The following GPATCH3 variants were observed in gnomAD, a reference collection of about 807,000 sequenced individuals.
The protein encoded by GPATCH3 is G patch domain-containing protein 3.
In GPATCH3, 45 loss-of-function variants were observed where a neutral mutation model predicts 53.2. That is an observed-to-expected ratio of 0.85 (90% CI 0.67 to 1.08). The LOEUF (loss-of-function observed/expected upper bound fraction) is 1.08. Among genes scored for constraint, GPATCH3 ranks in the 50% least tolerant of loss-of-function variants. The probability of loss-of-function intolerance (pLI) is 0.00; values close to 1 mark genes in which losing one functional copy is unlikely to be tolerated. For synonymous variants in GPATCH3, 280 were observed against 270.6 expected, an observed-to-expected ratio of 1.03 and a Z score of -0.34; for missense variants, 680 against 687.2, an observed-to-expected ratio of 0.99 and a Z score of 0.12.
intron 1 of GPATCH3, among the ~76,000 whole-genome samples, chr1:26,897,929 G>A (rs1198084326): frequency 6.6e-6 from 1 of 152,140 alleles, no homozygotes; most frequent in African/African-American, 2.4e-5. Flanking sequence ...TTGAGCTCAG[G>A]AGTTCAAGAC....
At chr1:26,898,242 C>G (rs988043464) in intron 1 of GPATCH3, among the ~76,000 whole-genome samples, 17 of 152,312 alleles carry the variant, frequency 1.1e-4, no homozygotes, top group African/African-American at 4.1e-4. Flanking sequence ...ACAGAACTAC[C>G]TAGTAGTTTC....
chr1:26,892,357 CAGGG>C, intron 6 of GPATCH3, 50 bp downstream of exon 6: 1 of 1,583,286 alleles, frequency 6.3e-7, no homozygotes, highest in Non-Finnish European at 8.6e-7. Context: ...AGAGGGAAAC[CAGGG>C]CATAGCTGAA....
At chr1:26,896,552 T>A (rs2081951777) in intron 2 of GPATCH3, among the ~76,000 whole-genome samples, 1 of 136,574 alleles carries the variant, frequency 7.3e-6, no homozygotes, top group Admixed American at 7.5e-5. Flanking sequence ...AAAAAAAAAT[T>A]AGCCGGGCGT....
intron 6 of GPATCH3, among the ~76,000 whole-genome samples, chr1:26,892,024 T>C (rs531826051): frequency 4.6e-5 from 7 of 151,932 alleles, no homozygotes; most frequent in Admixed American, 6.6e-5. Flanking sequence ...GTATTTTTAG[T>C]AGAGACGGGG....
In GPATCH3 at chr1:26,900,259, G is replaced by A; in HGVS notation, c.184C>T (p.Pro62Ser). Residue 62 changes from proline (P) to serine (S), a missense_variant, in exon 1 of 7, where the codon CCT becomes TCT. Coordinates refer to ENST00000361720, the MANE Select transcript of GPATCH3 (RefSeq NM_022078.3). The stretch of plus-strand genomic sequence containing the variant: ...TCGGTAGGAATTAGGGCAGAGTTAG[G>A]AGCGGCCTGCGGAGGGGCCCGCTCA... ...RPERAPPQAA[P>S]NSALIPTDPA... 3 of 1,614,096 alleles carry A rather than the reference G, an allele frequency of 1.9e-6. No individual in the cohort carries two copies. The highest frequency in any genetic ancestry group is 1.1e-5 in the South Asian group (1 of 91,084).
At position 26,894,246 on chromosome 1, in the gene GPATCH3, C is replaced by G. The variant is rs755146947; in HGVS notation, c.1041G>C (p.Glu347Asp). ...GGGTACCAGCATTACCTCCTTCTTC[C>G]TCCTGCCAGAACTGGGCATCAGTAT... is the stretch of plus-strand genomic sequence containing the variant. ...VFYTDAQFWQ[E>D]EEGDFDEQTA... Residue 347 changes from glutamate (E) to aspartate (D), a missense_variant, in exon 3 of 7, where the codon GAG becomes GAC. By Grantham distance (45) the Glu-to-Asp change is conservative. Transcript: ENST00000361720. The G allele has an allele frequency of 5.0e-6, 8 of 1,613,804 alleles. No individual in the cohort carries two copies. The East Asian group carries it at 1.8e-4, about 36-fold the overall frequency.
chr1:26,895,542 AAGG>A (rs2081947257), intron 2 of GPATCH3, among the ~76,000 whole-genome samples: 1 of 150,350 alleles, frequency 6.7e-6, no homozygotes, highest in Non-Finnish European at 1.5e-5. Flanking sequence ...AAAAAAAAAA[AAGG>A]AAAGGAAGGA....
intron 6 of GPATCH3, among the ~76,000 whole-genome samples, chr1:26,892,144 T>TC (rs1271096912): frequency 6.6e-6 from 1 of 152,010 alleles, no homozygotes; most frequent in African/African-American, 2.4e-5. Context: ...CGCCCGGACT[T>TC]TTTATTTTTC....
chr1:26,899,532 G>C (rs142194525), intron 1 of GPATCH3, among the ~76,000 whole-genome samples: 2 of 152,186 alleles, frequency 1.3e-5, no homozygotes, highest in African/African-American at 4.8e-5. Flanking sequence ...AGCATTTGTT[G>C]AATGTGTGAA....
chr1:26,894,138 G>C lies in GPATCH3; in HGVS notation c.1051+98C>G, dbSNP rs1397325295. ...AGGTCAGCCTGTTCCCTAGCCTTTT[G>C]TTTGGGCTCACCACTACAGAATCTA... On this transcript the variant is annotated intron_variant, in intron 3 of 6. Transcript: ENST00000361720. 2.4e-6 allele frequency: 3 copies of C among 1,232,384 alleles called. No homozygotes were observed. The South Asian group carries it at 4.2e-5, about 17-fold the overall frequency. The allele number at this position is 1,232,384 out of a possible 1,614,324, so 76.3% of individuals were successfully genotyped here. A position where few individuals can be genotyped will look rare whatever the true frequency, so the allele number is the denominator to read the frequency against.
At position 26,894,373 on chromosome 1, in the gene GPATCH3, G is replaced by A. The variant is rs200646741; in HGVS notation, c.914C>T (p.Ala305Val). The A allele has an allele frequency of 5.1e-5, 83 of 1,613,950 alleles. No homozygotes were observed. The highest frequency in any genetic ancestry group is 3.8e-4 in the East Asian group (17 of 44,886). The change falls in exon 3 of 7, where the codon GCG becomes GTG. Residue 305 changes from alanine (A) to valine (V), a missense_variant. Coordinates refer to ENST00000361720, the MANE Select transcript of GPATCH3 (RefSeq NM_022078.3). ...DRGEEWERHE[A>V]LHEDVTGQER... ...CTGCCCGGTCACGTCCTCATGCAGC[G>A]CTTCATGCCGTTCCCATTCCTCACC... is the stretch of plus-strand genomic sequence containing the variant.
chr1:26,890,579 AGAGGCGGTG>A lies in GPATCH3; in HGVS notation c.*422_*430del. Reference sequence around the variant, plus strand: ...GCTGGCAGTCCCACCCAGTGAGGGTAGAGGCGGTGGAGGGCCCACCCAAGGCCGGCTCTT... The same window carrying A: ...GCTGGCAGTCCCACCCAGTGAGGGTAGAGGGCCCACCCAAGGCCGGCTCTT... On this transcript the variant is annotated 3_prime_UTR_variant, in exon 7 of 7. Coordinates refer to ENST00000361720, the MANE Select transcript of GPATCH3 (RefSeq NM_022078.3). 1 of 363,366 alleles carries A rather than the reference AGAGGCGGTG, an allele frequency of 2.8e-6. No individual in the cohort carries two copies. Among genetic ancestry groups the A allele is most frequent in the South Asian group, 2.4e-5 (1 of 42,398 alleles). 22.5% of individuals were successfully genotyped at this position (363,366 alleles called of 1,614,324 possible).
rs1366618244 is a variant in GPATCH3, at chr1:26,892,414, A to T, written c.1358T>A (p.Leu453Ter). 1 of 1,612,248 alleles carries T rather than the reference A, an allele frequency of 6.2e-7. No individual in the cohort carries two copies. The highest frequency in any genetic ancestry group is 1.7e-5 in the Admixed American group (1 of 59,986). The change falls in exon 6 of 7, where the codon TTG becomes TAG. Residue 453 changes from leucine (L) to a stop codon, truncating the protein, a stop_gained. Coordinates refer to ENST00000361720, the MANE Select transcript of GPATCH3 (RefSeq NM_022078.3). LOFTEE classifies it high-confidence loss of function. ...GAAGTCCCTCAGTCACACTTACCCC[A>T]ATCCACGCTTGCATCTGGGGTGTTG... ...DGQHPRCKRG[L>*]GYHGEKLQPF...
Position 26,900,232 on chromosome 1 carries a change from G to T in GPATCH3, c.211C>A (p.Pro71Thr). The T allele has an allele frequency of 6.2e-7, 1 of 1,614,168 alleles. No homozygotes were observed. Among genetic ancestry groups the T allele is most frequent in the Non-Finnish European group, 8.5e-7 (1 of 1,180,036 alleles). ...APNSALIPTDPAAEGQLLSQT... is the reference protein window; with the variant it reads ...APNSALIPTDTAAEGQLLSQT... ...GAGAGAAGCTGGCCCTCAGCGGCTG[G>T]GTCGGTAGGAATTAGGGCAGAGTTA... The change falls in exon 1 of 7, where the codon CCA becomes ACA. Residue 71 changes from proline to threonine, a missense_variant. Pro to Thr is a conservative substitution (Grantham distance 38). Transcript: ENST00000361720.
chr1:26,891,132 G>A lies in GPATCH3; in HGVS notation c.1456C>T (p.Pro486Ser). The A allele has an allele frequency of 6.2e-7, 1 of 1,614,084 alleles. No individual in the cohort carries two copies. The highest frequency in any genetic ancestry group is 8.5e-7 in the Non-Finnish European group (1 of 1,180,018). ...AGCAGTGACTCCGTCTGGTCTTGGG[G>A]TAGAGGCTCATCATAGATGGTGGAG... ...LISTIYDEPL[P>S]QDQTESLLRR... The change falls in exon 7 of 7, where the codon CCC (proline) becomes TCC (serine). Residue 486 changes from proline to serine, a missense_variant. Coordinates refer to ENST00000361720, the MANE Select transcript of GPATCH3 (RefSeq NM_022078.3).
chr1:26,892,505 A>C lies in GPATCH3; in HGVS notation c.1267T>G (p.Trp423Gly), dbSNP rs2081932384. 2 of 1,613,798 alleles carry C rather than the reference A, an allele frequency of 1.2e-6. No individual in the cohort carries two copies. The highest frequency in any genetic ancestry group is 2.7e-5 in the African/African-American group (2 of 74,944). Residue 423 changes from tryptophan (W) to glycine (G), a missense_variant, in exon 6 of 7, where the codon TGG becomes GGG. Transcript: ENST00000361720. ...CAGCCCAGGCCCTGGCCCTCAGCCC[A>C]GCCCTGCCGCTCCATCACCTTCCGC... Reference protein sequence around the residue: ...IGRKVMERQGWAEGQGLGCRC... With the variant: ...IGRKVMERQGGAEGQGLGCRC...
chr1:26,898,816 G>A (rs1324884674), intron 1 of GPATCH3, among the ~76,000 whole-genome samples: 2 of 151,668 alleles, frequency 1.3e-5, no homozygotes, highest in Admixed American at 6.6e-5. Context: ...ACAGGCATGC[G>A]CCACCACAAC....
chr1:26,900,399 A>G lies in GPATCH3; in HGVS notation c.44T>C (p.Leu15Pro), dbSNP rs749215920. ...CACGGAGGGGATACCGCTCACTACC[A>G]GGTAAACTGTCGCCTCCTCCTCCGC... Reference protein sequence around the residue: ...GEAEEEATVYLVVSGIPSVLR... With the variant: ...GEAEEEATVYPVVSGIPSVLR... The change falls in exon 1 of 7, where the codon CTG becomes CCG. Residue 15 changes from leucine (L) to proline (P), a missense_variant. Physicochemically the swap from Leu to Pro is moderately conservative, Grantham distance 98 (BLOSUM62 -3). Coordinates refer to ENST00000361720, the MANE Select transcript of GPATCH3 (RefSeq NM_022078.3). 3 of 1,612,806 alleles carry G rather than the reference A, an allele frequency of 1.9e-6. No homozygotes were observed. The highest frequency in any genetic ancestry group is 1.1e-5 in the South Asian group (1 of 91,050).
chr1:26,891,533 G>A (rs116235873), intron 6 of GPATCH3, among the ~76,000 whole-genome samples: 4,822 of 140,540 alleles, frequency 0.034, 115 homozygotes, highest in Non-Finnish European at 0.051. Flanking sequence ...AAAAAAAAAA[G>A]TCAGATTTAC....
Sources: allele counts gnomAD v4.1 joint callset (sites outside exome capture counted in the v4.1 genomes callset), GRCh38; gene constraint gnomAD v4.1.1; transcripts MANE v1.5; gene names NCBI Gene and HGNC (gene_info 2026-07-23, HGNC 2026-07-21).